The following CACNA2D4 variants were observed in gnomAD, a reference collection of about 807,000 sequenced individuals.
CACNA2D4 encodes voltage-dependent calcium channel subunit alpha-2/delta-4.
A neutral mutation model predicts 163.8 loss-of-function variants in CACNA2D4; 157 were observed. That is an observed-to-expected ratio of 0.96 (90% CI 0.84 to 1.09). The LOEUF is 1.09. CACNA2D4 is among the 50% of genes least tolerant of loss of function. The pLI, the probability that CACNA2D4 is intolerant of heterozygous loss-of-function variation, is 0.00. For synonymous variants in CACNA2D4, 598 were observed against 586.9 expected (o/e 1.02, Z -0.27); for missense variants, 1,410 against 1,479.9 (o/e 0.95, Z 0.78).
Position 1,908,015 on chromosome 12 carries a change from A to C in CACNA2D4, c.509T>G (p.Leu170Arg). 6.2e-7 allele frequency: 1 copy of C among 1,613,732 alleles called. No individual in the cohort carries two copies. The highest frequency in any genetic ancestry group is 8.5e-7 in the Non-Finnish European group (1 of 1,179,668). Reference sequence around the variant, plus strand: ...GCCCTTCTCGTCCCTCTCGTTGATCAGGACCGAGTTGTAATAGTCGAACTG... The same window carrying C: ...GCCCTTCTCGTCCCTCTCGTTGATCCGGACCGAGTTGTAATAGTCGAACTG... ...SLVFDYYNSV[L>R]INERDEKGNF... is the part of the protein sequence containing the mutation. The change falls in exon 5 of 38, where the codon CTG (leucine) becomes CGG (arginine). Residue 170 changes from leucine to arginine, a missense_variant. By Grantham distance (102) the Leu-to-Arg change is moderately radical. Coordinates refer to ENST00000382722, the MANE Select transcript of CACNA2D4 (RefSeq NM_172364.5).
rs930652544 is a variant in CACNA2D4 at position 1,917,919 on chromosome 12, T to C, written c.227+328A>G. On this transcript the variant is annotated intron_variant, in intron 1 of 37. Coordinates refer to ENST00000382722, the MANE Select transcript of CACNA2D4 (RefSeq NM_172364.5). The surrounding 1 kb of genome is among the most constrained non-coding windows in gnomAD (Gnocchi z 4.3). Reference sequence around the variant, plus strand: ...GGCTGCCTCATCTCAGCGATTATCCTGAAGGAGCACCCGCCCTTCAGGTGT... The same window carrying C: ...GGCTGCCTCATCTCAGCGATTATCCCGAAGGAGCACCCGCCCTTCAGGTGT... 1.4e-5 allele frequency: 4 copies of C among 289,244 alleles called. No homozygotes were observed. Among genetic ancestry groups the C allele is most frequent in the Admixed American group, 1.2e-4 (2 of 17,390 alleles). 17.9% of individuals were successfully genotyped at this position (289,244 alleles called of 1,614,324 possible).
chr12:1,844,895 A>T lies in CACNA2D4; in HGVS notation c.2343-366T>A, dbSNP rs767271353. Reference sequence around the variant, plus strand: ...TAGTCAGCTCTATCACTGCACTAATAGGAGGGCATCAATCCCCCCAAATGG... The same window carrying T: ...TAGTCAGCTCTATCACTGCACTAATTGGAGGGCATCAATCCCCCCAAATGG... On this transcript the variant is annotated intron_variant, in intron 24 of 37. Transcript: ENST00000382722. This position sits in a 1 kb window ranked among gnomAD's most constrained non-coding sequence, Gnocchi z 4.2. Among the ~76,000 whole-genome samples the T allele has an allele frequency of 6.6e-6, 1 of 152,186 alleles. No homozygotes were observed. Among genetic ancestry groups the T allele is most frequent in the Non-Finnish European group, 1.5e-5 (1 of 68,034 alleles).
At chr12:1,902,434 T>C (rs1210712083) in intron 6 of CACNA2D4, among the ~76,000 whole-genome samples, 1 of 152,064 alleles carries the variant, frequency 6.6e-6, no homozygotes, top group Non-Finnish European at 1.5e-5. Context: ...TTATCCTTAT[T>C]TGCAGATAAT....
intron 18 of CACNA2D4, among the ~76,000 whole-genome samples, chr12:1,862,128 G>A (rs1393551239): frequency 6.6e-6 from 1 of 152,172 alleles, no homozygotes; most frequent in Admixed American, 6.5e-5. Context: ...CTCATCGATT[G>A]ATGGATATTT....
intron 18 of CACNA2D4, among the ~76,000 whole-genome samples, chr12:1,861,454 T>G (rs1363050470): frequency 6.6e-6 from 1 of 151,856 alleles, no homozygotes; most frequent in Non-Finnish European, 1.5e-5. Context: ...CTCTTTTTTT[T>G]TTTTTGAGAT....
chr12:1,855,041 C>T (rs1293057373), intron 22 of CACNA2D4, among the ~76,000 whole-genome samples: 2 of 152,150 alleles, frequency 1.3e-5, no homozygotes, highest in Non-Finnish European at 2.9e-5. Flanking sequence ...ACCCAAGTGG[C>T]TTAACAGGAT....
intron 22 of CACNA2D4, among the ~76,000 whole-genome samples, chr12:1,854,406 T>TTTG (rs1460635333): frequency 3.9e-5 from 6 of 152,080 alleles, no homozygotes; most frequent in Non-Finnish European, 5.9e-5. Flanking sequence ...CTGTGAATTT[T>TTTG]TTGTTGTTGT....
At chr12:1,800,307 C>A in intron 32 of CACNA2D4, 79 bp downstream of exon 32, 1 of 1,474,992 alleles carries the variant, frequency 6.8e-7, no homozygotes, top group Non-Finnish European at 9.5e-7. Context: ...GGAGACCTTG[C>A]AGCCTCCTGC....
At chr12:1,807,383 C>T (rs550265903) in intron 29 of CACNA2D4, among the ~76,000 whole-genome samples, 5 of 151,586 alleles carry the variant, frequency 3.3e-5, no homozygotes, top group East Asian at 2.0e-4. Flanking sequence ...CTGAGCCAGC[C>T]GCACCCAGAT....
intron 6 of CACNA2D4, among the ~76,000 whole-genome samples, chr12:1,893,299 CGAGGTCAG>C (rs1303602962): frequency 6.6e-6 from 1 of 151,994 alleles, no homozygotes; most frequent in Non-Finnish European, 1.5e-5. Flanking sequence ...GGGTGGATCA[CGAGGTCAG>C]GAGTTGAAGA....
intron 23 of CACNA2D4, among the ~76,000 whole-genome samples, chr12:1,850,260 G>T (rs1865243353): frequency 6.6e-6 from 1 of 152,204 alleles, no homozygotes; most frequent in African/African-American, 2.4e-5. Flanking sequence ...GTGGCTTTCA[G>T]TCTGAGAGGC....
At chr12:1,914,397 C>A (rs2429164) in intron 2 of CACNA2D4, among the ~76,000 whole-genome samples, 1 of 152,114 alleles carries the variant, frequency 6.6e-6, no homozygotes, top group Non-Finnish European at 1.5e-5. Flanking sequence ...GGACATGGCT[C>A]GGGGGCTGAC....
Position 1,844,949 on chromosome 12 carries a change from T to C in CACNA2D4, c.2343-420A>G, listed in dbSNP as rs1865110821. ...CTTCAACAGGATTGCCTCTAGGTTT[T>C]TGCATACATTATGAGTTTCCTTTTT... On this transcript the variant is annotated intron_variant, in intron 24 of 37. Transcript: ENST00000382722. The surrounding 1 kb of genome is among the most constrained non-coding windows in gnomAD (Gnocchi z 4.2). Among the ~76,000 whole-genome samples, 1 of 152,160 alleles carries C rather than the reference T, an allele frequency of 6.6e-6. No individual in the cohort carries two copies. The highest frequency in any genetic ancestry group is 1.5e-5 in the Non-Finnish European group (1 of 68,032).
At chr12:1,796,436 A>G (rs1863130130) in intron 35 of CACNA2D4, among the ~76,000 whole-genome samples, 1 of 152,364 alleles carries the variant, frequency 6.6e-6, no homozygotes, top group South Asian at 2.1e-4. Flanking sequence ...AATGGAGACT[A>G]GAGGAGGCGA....
Position 1,799,919 on chromosome 12 carries a change from C to T in CACNA2D4, c.2974+81G>A. 6.8e-7 allele frequency: 1 copy of T among 1,462,020 alleles called. No homozygotes were observed. The highest frequency in any genetic ancestry group is 1.4e-5 in the African/African-American group (1 of 71,616). The allele number at this position is 1,462,020 out of a possible 1,614,324, so 90.6% of individuals were successfully genotyped here. ...GGTCACCTATCCCCACTGTCACCCA[C>T]CCCACAGGGAATGGTCTCACGTTAG... is the stretch of plus-strand genomic sequence containing the variant. On this transcript the variant is annotated intron_variant, in intron 33 of 37. Transcript: ENST00000382722. This position sits in a 1 kb window ranked among gnomAD's most constrained non-coding sequence, Gnocchi z 4.7.
intron 26 of CACNA2D4, chr12:1,836,110 G>A (rs1037772267): frequency 2.0e-5 from 3 of 152,370 alleles, no homozygotes; most frequent in Non-Finnish European, 4.4e-5. Flanking sequence ...TGTCTGCTCA[G>A]TGTGGCTCCC....
At chr12:1,906,218 T>C (rs1244939731) in intron 6 of CACNA2D4, among the ~76,000 whole-genome samples, 1 of 152,150 alleles carries the variant, frequency 6.6e-6, no homozygotes, top group Admixed American at 6.5e-5. Flanking sequence ...AAAACTCCTG[T>C]TAGAAAACAT....
At chr12:1,887,183 C>G in intron 6 of CACNA2D4, 114 bp from the exon 7 acceptor site, 2 of 716,028 alleles carry the variant, frequency 2.8e-6, no homozygotes, top group Non-Finnish European at 5.1e-6. Context: ...AGCTTTGGAG[C>G]TAGGGAACAG....
At chr12:1,846,428 C>T (rs1467606724) in intron 24 of CACNA2D4, among the ~76,000 whole-genome samples, 166 bp downstream of exon 24, 2 of 151,894 alleles carry the variant, frequency 1.3e-5, no homozygotes, top group Non-Finnish European at 2.9e-5. Flanking sequence ...GCCTTTCCCA[C>T]TGCCCCAATC....
Sources: gnomAD v4.1 joint callset for allele counts (sites outside exome capture counted in the v4.1 genomes callset) on GRCh38, gnomAD v4.1.1 for gene constraint, Gnocchi (gnomAD v3.1) non-coding constraint, MANE v1.5 for transcripts, NCBI Gene and HGNC (gene_info 2026-07-23, HGNC 2026-07-21) for gene names.